CEP63: variants seen among roughly 807,000 people sequenced by gnomAD.
The protein encoded by CEP63 is centrosomal protein of 63 kDa.
A neutral mutation model predicts 89.1 loss-of-function variants in CEP63; 84 were observed. The observed-to-expected ratio is 0.94, with a 90% CI of 0.79 to 1.13. The LOEUF is 1.13. CEP63 is among the 50% of genes most tolerant of loss of function. The probability of loss-of-function intolerance (pLI) is 0.00; values close to 1 mark genes in which losing one functional copy is unlikely to be tolerated. For synonymous variants in CEP63, 267 were observed against 272.5 expected (o/e 0.98, Z 0.20); for missense variants, 838 against 813.3 (o/e 1.03, Z -0.37).
intron 3 of CEP63, among the ~76,000 whole-genome samples, chr3:134,514,185 T>C (rs1945680425): frequency 6.6e-6 from 1 of 152,048 alleles, no homozygotes; most frequent in Non-Finnish European, 1.5e-5. Flanking sequence ...GAGTGGAAAT[T>C]TTAGAATTGA....
Position 134,549,156 on chromosome 3 carries a change from T to C in CEP63, c.1162T>C (p.Tyr388His). The part of the protein sequence containing the change: ...LKRMEAHNNE[Y>H]KAEIKKLKEQ... ...GAGGATGGAAGCACATAACAATGAA[T>C]ACAAAGCAGAGATTAAGAAGGTAAA... is the stretch of plus-strand genomic sequence containing the variant. Residue 388 changes from tyrosine (Y) to histidine (H), a missense_variant, in exon 10 of 15, where the codon TAC becomes CAC. By Grantham distance (83) the Tyr-to-His change is moderately conservative (BLOSUM62 2). Coordinates refer to ENST00000675561, the MANE Select transcript of CEP63 (RefSeq NM_001353108.3). 6.2e-7 allele frequency: 1 copy of C among 1,609,278 alleles called. No individual in the cohort carries two copies. The highest frequency in any genetic ancestry group is 8.5e-7 in the Non-Finnish European group (1 of 1,175,688).
At chr3:134,523,650 T>TAATTGAA (rs1198325928) in intron 3 of CEP63, among the ~76,000 whole-genome samples, 12 of 152,206 alleles carry the variant, frequency 7.9e-5, no homozygotes, top group African/African-American at 2.2e-4. Context: ...TAGGGAGTCC[T>TAATTGAA]TTCCTTATTG....
At chr3:134,578,348 G>GT (rs1491572635), downstream of CEP63, among the ~76,000 whole-genome samples, 2 of 15,216 alleles carry the variant, frequency 1.3e-4, no homozygotes, top group African/African-American at 5.6e-4. Flanking sequence ...TTTTTTTTTT[G>GT]AGATGGAGTC....
chr3:134,520,689 G>A (rs1947251058), intron 3 of CEP63, among the ~76,000 whole-genome samples: 1 of 152,140 alleles, frequency 6.6e-6, no homozygotes, highest in Admixed American at 6.5e-5. Flanking sequence ...TAGAAAAACA[G>A]ACCAATGGAA....
intron 2 of CEP63, among the ~76,000 whole-genome samples, chr3:134,497,524 C>T (rs1940536384): frequency 6.6e-6 from 1 of 151,894 alleles, no homozygotes; most frequent in Non-Finnish European, 1.5e-5. Flanking sequence ...GGCATGTCAT[C>T]TGGCTAATTT....
chr3:134,526,101 C>A (rs1303757039), intron 3 of CEP63, among the ~76,000 whole-genome samples: 1 of 152,136 alleles, frequency 6.6e-6, no homozygotes, highest in Non-Finnish European at 1.5e-5. Flanking sequence ...TTTACATAAT[C>A]CCATATATCT....
At chr3:134,751,628 T>G in the CEP63 span, among the ~76,000 whole-genome samples, 5 of 152,006 alleles carry the variant, frequency 3.3e-5, no homozygotes, top group Non-Finnish European at 7.4e-5. Flanking sequence ...CTGGGACCTG[T>G]AGGATTTGAG....
chr3:134,772,238 TG>T, the CEP63 span, among the ~76,000 whole-genome samples: 1 of 149,848 alleles, frequency 6.7e-6, no homozygotes, highest in Non-Finnish European at 1.5e-5. Flanking sequence ...AGGAGGTGGA[TG>T]GGAGAAACCT....
the CEP63 span, among the ~76,000 whole-genome samples, chr3:134,664,513 A>G: frequency 1.3e-5 from 2 of 152,196 alleles, no homozygotes; most frequent in African/African-American, 4.8e-5. Flanking sequence ...CCCTCTGTGC[A>G]TGTACCTCAC....
At chr3:134,619,334 C>A in the CEP63 span, 1 of 1,181,332 alleles carries the variant, frequency 8.5e-7, no homozygotes, top group Non-Finnish European at 1.3e-6. Flanking sequence ...CCCCAACCCC[C>A]AGCTGTGCTC....
At chr3:134,543,010 A>G (rs1433606426) in intron 6 of CEP63, among the ~76,000 whole-genome samples, 1 of 152,142 alleles carries the variant, frequency 6.6e-6, no homozygotes, top group Non-Finnish European at 1.5e-5. Context: ...ATCAGAAATA[A>G]TCATTATTTT....
chr3:134,619,335 A>T, the CEP63 span: 1 of 1,182,560 alleles, frequency 8.5e-7, no homozygotes, highest in East Asian at 2.3e-5. Flanking sequence ...CCCAACCCCC[A>T]GCTGTGCTCT....
intron 14 of CEP63, among the ~76,000 whole-genome samples, chr3:134,560,355 A>G (rs13089966): frequency 0.32 from 48,410 of 152,056 alleles, 7,992 homozygotes; most frequent in African/African-American, 0.36. Flanking sequence ...CCTAAACTTT[A>G]TCTGTAACTC....
intron 1 of CEP63, 161 bp downstream of exon 1, chr3:134,486,363 A>G (rs1479375545): frequency 2.0e-6 from 2 of 985,512 alleles, no homozygotes; most frequent in African/African-American, 1.7e-5. Context: ...GGTTTGCGCA[A>G]CGGCCTGCGA....
chr3:134,624,361 T>C, the CEP63 span, among the ~76,000 whole-genome samples: 1 of 152,224 alleles, frequency 6.6e-6, no homozygotes, highest in Admixed American at 6.5e-5. Context: ...TCTTGATCCA[T>C]GCACTCACCA....
the CEP63 span, among the ~76,000 whole-genome samples, chr3:134,690,154 C>A: frequency 1.3e-5 from 2 of 151,946 alleles, no homozygotes; most frequent in African/African-American, 4.8e-5. Flanking sequence ...TAGTATTTAT[C>A]CTTTATATTA....
the CEP63 span, chr3:134,603,928 C>A: frequency 1.9e-6 from 3 of 1,614,012 alleles, no homozygotes; most frequent in Non-Finnish European, 2.5e-6. Context: ...GATGTAGTTT[C>A]CTGGTTCCTG....
At chr3:134,546,986 CTTGAT>C (rs1288521732) in intron 8 of CEP63, among the ~76,000 whole-genome samples, 1 of 152,198 alleles carries the variant, frequency 6.6e-6, no homozygotes, top group East Asian at 1.9e-4. Flanking sequence ...AGCCCTCTTG[CTTGAT>C]TTAAGTCTGA....
downstream of CEP63, among the ~76,000 whole-genome samples, chr3:134,577,583 A>G (rs1399057804): frequency 1.3e-5 from 2 of 151,672 alleles, no homozygotes; most frequent in South Asian, 2.1e-4. Flanking sequence ...GTGCGCCACC[A>G]TGCCTGGCTA....
Sources: gnomAD v4.1 joint callset for allele counts (sites outside exome capture counted in the v4.1 genomes callset) on GRCh38, gnomAD v4.1.1 for gene constraint, MANE v1.5 for transcripts, NCBI Gene and HGNC (gene_info 2026-07-23, HGNC 2026-07-21) for gene names.